Variants in PLPPR5 observed in about 807,000 individuals in gnomAD.
The protein encoded by PLPPR5 is phospholipid phosphatase related 5, also known as phospholipid phosphatase-related protein type 5.
PLPPR5 carries 16 observed loss-of-function variants against 33.9 expected under a neutral mutation model. The observed-to-expected ratio is 0.47, with a 90% confidence interval of 0.32 to 0.72. The LOEUF (loss-of-function observed/expected upper bound fraction) is 0.72. PLPPR5 is among the 30% of genes least tolerant of loss of function. The pLI is 0.03. For synonymous variants in PLPPR5, 163 were observed against 150.3 expected, an observed-to-expected ratio of 1.08 and a Z score of -0.62; for missense variants, 301 against 406.7, an observed-to-expected ratio of 0.74 and a Z score of 2.23.
At chr1:98,910,888 G>GTTTT (rs66793213) in intron 5 of PLPPR5, among the ~76,000 whole-genome samples, 1 of 142,316 alleles carries the variant, frequency 7.0e-6, no homozygotes, top group African/African-American at 2.6e-5. Context: ...GCCAGAGAGT[G>GTTTT]TTTTTTTTTT....
At chr1:98,971,160 T>A (rs1381325296) in intron 1 of PLPPR5, among the ~76,000 whole-genome samples, 2 of 152,094 alleles carry the variant, frequency 1.3e-5, no homozygotes, top group Non-Finnish European at 2.9e-5. Flanking sequence ...AGCCTGCTAC[T>A]CCAAAATGTC....
intron 1 of PLPPR5, among the ~76,000 whole-genome samples, chr1:98,971,718 A>G (rs1032265958): frequency 2.6e-5 from 4 of 152,226 alleles, no homozygotes; most frequent in Admixed American, 6.5e-5. Context: ...ATAAAATGCC[A>G]GCTGCAAGCC....
intron 1 of PLPPR5, among the ~76,000 whole-genome samples, chr1:99,003,641 G>T (rs1652951689): frequency 6.6e-6 from 1 of 152,004 alleles, no homozygotes; most frequent in South Asian, 2.1e-4. Flanking sequence ...ATATATGTGA[G>T]GTGTGTGTAT....
At chr1:98,912,097 A>G (rs1020574233) in intron 5 of PLPPR5, among the ~76,000 whole-genome samples, 25 of 152,186 alleles carry the variant, frequency 1.6e-4, no homozygotes, top group Admixed American at 9.2e-4. Context: ...AACTTTATTT[A>G]GTAAGTTAAA....
At chr1:98,998,657 CA>C (rs1234651746) in intron 1 of PLPPR5, among the ~76,000 whole-genome samples, 1 of 152,030 alleles carries the variant, frequency 6.6e-6, no homozygotes. Flanking sequence ...AAGTATATAA[CA>C]AAAAATGAAA....
At chr1:98,923,590 G>A (rs1649649840) in intron 3 of PLPPR5, among the ~76,000 whole-genome samples, 1 of 151,926 alleles carries the variant, frequency 6.6e-6, no homozygotes, top group Non-Finnish European at 1.5e-5. Context: ...TATGTAAGCA[G>A]TCCAAGTGAT....
At chr1:98,940,509 A>C (rs1650333613) in intron 3 of PLPPR5, among the ~76,000 whole-genome samples, 1 of 151,936 alleles carries the variant, frequency 6.6e-6, no homozygotes, top group South Asian at 2.1e-4. Flanking sequence ...GCCAGGGCTA[A>C]GAGGGCCTTG....
rs186619266 is a variant in PLPPR5 at position 98,981,119 on chromosome 1, T to C, written c.237+23316A>G. Reference sequence around the variant, plus strand: ...AAACCAATATTATATTTTTTCTCTTTAGTTTACTAAACTAAAATTGGTCAC... The same window carrying C: ...AAACCAATATTATATTTTTTCTCTTCAGTTTACTAAACTAAAATTGGTCAC... On this transcript the variant is annotated intron_variant, in intron 1 of 5. Coordinates refer to ENST00000263177, the MANE Select transcript of PLPPR5 (RefSeq NM_001037317.2). Among the ~76,000 whole-genome samples, 25 of 152,222 alleles carry C rather than the reference T, an allele frequency of 1.6e-4. No homozygotes were observed. The East Asian group carries it at 4.5e-3, about 27-fold the overall frequency.
intron 1 of PLPPR5, among the ~76,000 whole-genome samples, chr1:98,976,751 CAT>C (rs1429322720): frequency 2.6e-5 from 4 of 152,074 alleles, no homozygotes; most frequent in East Asian, 1.9e-4. Flanking sequence ...ATATTGATTA[CAT>C]GTTAGAATAT....
At chr1:98,929,777 A>C (rs1175942651) in intron 3 of PLPPR5, among the ~76,000 whole-genome samples, 1 of 152,218 alleles carries the variant, frequency 6.6e-6, no homozygotes, top group African/African-American at 2.4e-5. Context: ...TATACTGCAC[A>C]TATGGCACTT....
intron 5 of PLPPR5, among the ~76,000 whole-genome samples, chr1:98,899,882 GAA>G (rs1021150369): frequency 5.9e-5 from 9 of 152,050 alleles, no homozygotes; most frequent in African/African-American, 1.7e-4. Context: ...AAATTTCATG[GAA>G]GTCTATGAAT....
chr1:98,997,726 A>AG (rs1365099012), intron 1 of PLPPR5, among the ~76,000 whole-genome samples: 5 of 152,250 alleles, frequency 3.3e-5, no homozygotes, highest in Non-Finnish European at 7.3e-5. Flanking sequence ...TGCTGCAAGC[A>AG]GTGCTAACCA....
intron 1 of PLPPR5, among the ~76,000 whole-genome samples, chr1:98,978,012 T>C (rs1488902652): frequency 6.6e-6 from 1 of 152,058 alleles, no homozygotes; most frequent in Admixed American, 6.6e-5. Context: ...ATCATGAATG[T>C]GACTTTAGAT....
chr1:98,928,048 C>T (rs1649829412), intron 3 of PLPPR5, among the ~76,000 whole-genome samples: 1 of 152,092 alleles, frequency 6.6e-6, no homozygotes, highest in South Asian at 2.1e-4. Context: ...CCTCATTTAA[C>T]TACTGAAGCT....
At chr1:98,921,290 T>C (rs961623373) in intron 4 of PLPPR5, among the ~76,000 whole-genome samples, 3 of 152,122 alleles carry the variant, frequency 2.0e-5, no homozygotes, top group Admixed American at 6.5e-5. Context: ...TGATTTGACA[T>C]GGTATGGTCT....
intron 3 of PLPPR5, among the ~76,000 whole-genome samples, chr1:98,952,406 A>G (rs1263944554): frequency 1.3e-5 from 2 of 152,168 alleles, no homozygotes; most frequent in Admixed American, 1.3e-4. Flanking sequence ...TGTTGGGGAC[A>G]AGAGCTGCCT....
At chr1:98,893,159 A>T in intron 5 of PLPPR5, 55 bp from the exon 6 acceptor site, 2 of 1,526,334 alleles carry the variant, frequency 1.3e-6, no homozygotes, top group Non-Finnish European at 1.8e-6. Flanking sequence ...TTAGCTTTGT[A>T]AAATATGTAG....
intron 4 of PLPPR5, among the ~76,000 whole-genome samples, chr1:98,916,149 T>G (rs1649341221): frequency 6.6e-6 from 1 of 152,212 alleles, no homozygotes; most frequent in African/African-American, 2.4e-5. Context: ...AGATCTTGGT[T>G]GCTTTCCAGT....
intron 1 of PLPPR5, among the ~76,000 whole-genome samples, chr1:98,994,949 T>C (rs769620462): frequency 1.3e-5 from 2 of 152,028 alleles, no homozygotes; most frequent in Non-Finnish European, 2.9e-5. Context: ...AAAACCACAA[T>C]GAGATACCAT....
Sources: allele counts gnomAD v4.1 joint callset (sites outside exome capture counted in the v4.1 genomes callset), GRCh38; gene constraint gnomAD v4.1.1; transcripts MANE v1.5; gene names NCBI Gene and HGNC (gene_info 2026-07-23, HGNC 2026-07-21).